PHF7: variants seen among roughly 807,000 people sequenced by gnomAD.
PHF7 encodes PHD finger protein 7.
In PHF7, 24 loss-of-function variants were observed where a neutral mutation model predicts 47.5. The observed-to-expected ratio is 0.51, with a 90% CI of 0.37 to 0.71. The LOEUF is 0.71. Among genes scored for constraint, PHF7 ranks in the 30% least tolerant of loss-of-function variants. The pLI, the probability that PHF7 is intolerant of heterozygous loss-of-function variation, is 0.00. For missense variants in PHF7, 361 were observed against 456.8 expected (o/e 0.79, Z 1.91); for synonymous variants, 156 against 153.8 (o/e 1.01, Z -0.11).
At chr3:52,414,427 A>G (rs1405101246) in intron 3 of PHF7, 69 bp from the exon 4 acceptor site, 33 of 883,672 alleles carry the variant, frequency 3.7e-5, no homozygotes, top group Non-Finnish European at 5.7e-5. Context: ...AGGAATGGTT[A>G]CATTCTCACC....
chr3:52,413,655 T>G (rs1052586362), intron 2 of PHF7, among the ~76,000 whole-genome samples: 6 of 152,072 alleles, frequency 3.9e-5, no homozygotes, highest in African/African-American at 1.4e-4. Flanking sequence ...GCCAACATGG[T>G]GAAACCCCGT....
At chr3:52,412,415 T>G (rs1459533323) in intron 1 of PHF7, among the ~76,000 whole-genome samples, 1 of 152,198 alleles carries the variant, frequency 6.6e-6, no homozygotes, top group East Asian at 1.9e-4. Flanking sequence ...TTCACGTATT[T>G]TTTTGTAGGC....
chr3:52,414,133 C>A (rs1705549680), intron 3 of PHF7, 85 bp downstream of exon 3: 1 of 865,306 alleles, frequency 1.2e-6, no homozygotes, highest in Non-Finnish European at 2.0e-6. Flanking sequence ...ATACTTGCTT[C>A]TTCTCTCTCT....
intron 4 of PHF7, among the ~76,000 whole-genome samples, chr3:52,416,292 TCTC>T (rs1185749177): frequency 4.0e-5 from 6 of 151,292 alleles, no homozygotes; most frequent in African/African-American, 1.2e-4. Flanking sequence ...TTGGAGCAAT[TCTC>T]CTGCATCAGC....
At chr3:52,411,812 A>G (rs1705450171) in intron 1 of PHF7, among the ~76,000 whole-genome samples, 1 of 152,264 alleles carries the variant, frequency 6.6e-6, no homozygotes, top group African/African-American at 2.4e-5. Context: ...GACATTGGAA[A>G]TAGGAGACAA....
At chr3:52,416,319 G>A (rs1200798397) in intron 4 of PHF7, among the ~76,000 whole-genome samples, 5 of 150,876 alleles carry the variant, frequency 3.3e-5, no homozygotes, top group African/African-American at 9.7e-5. Context: ...CCAAGTAGCT[G>A]GGACTACAGG....
At position 52,423,290 on chromosome 3, in the gene PHF7, C is replaced by G. The variant is rs1464452816; in HGVS notation, c.1119C>G (p.Ile373Met). 3.1e-6 allele frequency: 5 copies of G among 1,613,136 alleles called. No homozygotes were observed. Among genetic ancestry groups the G allele is most frequent in the Middle Eastern group, 1.6e-4 (1 of 6,080 alleles). The stretch of plus-strand genomic sequence containing the variant: ...CCTGGAGGTCCAAGGGTGTCAGAAT[C>G]ACTAACAGCTGCAAAAAATCCAAGT... ...SYSWRSKGVR[I>M]TNSCKKSK The change falls in exon 11 of 11, where the codon ATC becomes ATG. Residue 373 changes from isoleucine to methionine, a missense_variant. Ile to Met is a conservative substitution (Grantham distance 10). Transcript: ENST00000327906.
chr3:52,419,516 A>G (rs1352731232), intron 4 of PHF7, among the ~76,000 whole-genome samples: 1 of 142,126 alleles, frequency 7.0e-6, no homozygotes, highest in African/African-American at 2.7e-5. Flanking sequence ...TGCAAGCTCC[A>G]CCCTCTCGGG....
intron 10 of PHF7, 85 bp from the exon 11 acceptor site, chr3:52,423,006 G>C (rs1344122584): frequency 3.3e-6 from 5 of 1,508,478 alleles, no homozygotes; most frequent in Non-Finnish European, 4.6e-6. Flanking sequence ...GACTTTGGAA[G>C]GAAAGTAGCT....
At position 52,423,539 on chromosome 3, in the gene PHF7, T is replaced by C; in HGVS notation, c.*222T>C. On this transcript the variant is annotated 3_prime_UTR_variant, in exon 11 of 11. Coordinates refer to ENST00000327906, the MANE Select transcript of PHF7 (RefSeq NM_016483.7). ...CTACAAGAGTGCCTCTGCTTTCTCC[T>C]CCTCTCCTCCCACCAAGGATTCTTC... 6.6e-6 allele frequency: 3 copies of C among 454,132 alleles called. No individual in the cohort carries two copies. The highest frequency in any genetic ancestry group is 1.2e-5 in the Non-Finnish European group (3 of 254,944). The allele number at this position is 454,132 out of a possible 1,614,324, so 28.1% of individuals were successfully genotyped here.
chr3:52,414,011 T>G lies in PHF7; in HGVS notation c.57T>G (p.Thr19=), dbSNP rs769687551. 27 of 1,610,314 alleles carry G rather than the reference T, an allele frequency of 1.7e-5. No individual in the cohort carries two copies. Among genetic ancestry groups the G allele is most frequent in the Non-Finnish European group, 2.3e-5 (27 of 1,176,690 alleles). The part of the protein sequence containing the change: ...ECQRLRKSAK[T]RRVTQRKPSS... ...TCTTGTATAGAAAATCTGCCAAGAC[T>G]AGGAGGGTAACCCAGAGGAAACCGT... The change falls in exon 3 of 11, where the codon ACT becomes ACG. Residue 19 remains threonine (T), a synonymous_variant. Coordinates refer to ENST00000327906, the MANE Select transcript of PHF7 (RefSeq NM_016483.7).
rs761460847 is a variant in PHF7, at chr3:52,421,633, CT to C, written c.574-14del. On this transcript the variant is annotated splice_polypyrimidine_tract_variant and intron_variant, in intron 7 of 10. Transcript: ENST00000327906. ...GTTTTTACAAACACAGAGCTCTTCC[CT>C]GTTTCTCTTACAGAAATATGCCCAC... The C allele has an allele frequency of 5.5e-6, 8 of 1,460,552 alleles. No homozygotes were observed. The highest frequency in any genetic ancestry group is 6.7e-6 in the Non-Finnish European group (7 of 1,039,828). 90.5% of individuals were successfully genotyped at this position (1,460,552 alleles called of 1,614,324 possible).
chr3:52,421,419 C>T (rs1191060221), intron 7 of PHF7, among the ~76,000 whole-genome samples: 4 of 152,186 alleles, frequency 2.6e-5, no homozygotes, highest in African/African-American at 9.7e-5. Flanking sequence ...TGCCGAGCCC[C>T]ATGGTCAGAG....
intron 2 of PHF7, among the ~76,000 whole-genome samples, chr3:52,413,707 C>T (rs992456834): frequency 8.5e-5 from 13 of 152,132 alleles, no homozygotes; most frequent in African/African-American, 3.1e-4. Context: ...TGGTGACAGG[C>T]GCCTGTAATC....
At chr3:52,416,263 G>A (rs1217509100) in intron 4 of PHF7, among the ~76,000 whole-genome samples, 1 of 148,188 alleles carries the variant, frequency 6.7e-6, no homozygotes, top group Non-Finnish European at 1.5e-5. Context: ...TTGGCTCACT[G>A]CAGCCTCCAC....
At position 52,422,706 on chromosome 3, in the gene PHF7, A is replaced by C. The variant is rs886186268; in HGVS notation, c.798-54A>C. On this transcript the variant is annotated intron_variant, in intron 9 of 10. Transcript: ENST00000327906. ...CCTGGCCCATAGCAAACATCCAAGCATGGCAGTTGGTGTTCTGTATGTCTC... is the reference window on the plus strand; with the variant it reads ...CCTGGCCCATAGCAAACATCCAAGCCTGGCAGTTGGTGTTCTGTATGTCTC... 5.0e-6 allele frequency: 8 copies of C among 1,602,996 alleles called. No individual in the cohort carries two copies. In the African/African-American group the frequency reaches 8.0e-5, roughly 16 times the overall value.
intron 5 of PHF7, 157 bp downstream of exon 5, chr3:52,420,091 G>T: frequency 1.3e-6 from 1 of 745,126 alleles, no homozygotes; most frequent in Admixed American, 2.0e-5. Flanking sequence ...TCTGGGGTAT[G>T]GGTGTCCTAA....
In PHF7 at chr3:52,421,015, C is replaced by A; in HGVS notation, c.526C>A (p.Gln176Lys). 1 of 1,613,494 alleles carries A rather than the reference C, an allele frequency of 6.2e-7. No individual in the cohort carries two copies. Among genetic ancestry groups the A allele is most frequent in the Non-Finnish European group, 8.5e-7 (1 of 1,179,732 alleles). ...ATCCCAACAGAGTGTTGAGAACATC[C>A]AGAGCCCGTGTTGTAGTCAAGCCAT... ...DLSQQSVENIQSPCCSQAIYH... is the reference protein window; with the variant it reads ...DLSQQSVENIKSPCCSQAIYH... Residue 176 changes from glutamine (Q) to lysine (K), a missense_variant, in exon 7 of 11, where the codon CAG becomes AAG. Gln to Lys is a moderately conservative substitution (Grantham distance 53). Transcript: ENST00000327906.
chr3:52,412,980 T>A, intron 2 of PHF7, 60 bp downstream of exon 2: 2 of 1,294,680 alleles, frequency 1.5e-6, no homozygotes, highest in Non-Finnish European at 2.2e-6. Flanking sequence ...TGGTATAGGC[T>A]GCACTTTTTG....
Sources: allele counts gnomAD v4.1 joint callset (sites outside exome capture counted in the v4.1 genomes callset), GRCh38; gene constraint gnomAD v4.1.1; transcripts MANE v1.5; gene names NCBI Gene and HGNC (gene_info 2026-07-23, HGNC 2026-07-21).